The following CA12 variants were observed in gnomAD, a reference collection of about 807,000 sequenced individuals.
The protein encoded by CA12 is carbonic anhydrase 12.
CA12 carries 36 observed loss-of-function variants against 46.8 expected under a neutral mutation model. That is an observed-to-expected ratio of 0.77 (90% CI 0.59 to 1.02). The LOEUF (loss-of-function observed/expected upper bound fraction) is 1.02. Among genes scored for constraint, CA12 ranks in the 50% least tolerant of loss-of-function variants. The pLI is 0.00. For missense variants in CA12, 436 were observed against 451.4 expected (o/e 0.97, Z 0.31); for synonymous variants, 202 against 187.0 (o/e 1.08, Z -0.65).
chr15:63,365,688 C>T (rs1228619349), intron 2 of CA12, among the ~76,000 whole-genome samples: 3 of 152,220 alleles, frequency 2.0e-5, no homozygotes, highest in African/African-American at 4.8e-5. Flanking sequence ...AGGTCAGGAC[C>T]CCCATTTCTC....
intron 2 of CA12, among the ~76,000 whole-genome samples, chr15:63,353,752 G>A (rs2039262701): frequency 6.6e-6 from 1 of 152,090 alleles, no homozygotes; most frequent in South Asian, 2.1e-4. Context: ...TTGCTATATT[G>A]CCCAGGCTGG....
At chr15:63,353,306 C>A (rs1429113156) in intron 2 of CA12, among the ~76,000 whole-genome samples, 1 of 152,132 alleles carries the variant, frequency 6.6e-6, no homozygotes, top group African/African-American at 2.4e-5. Flanking sequence ...GTAGAACCAA[C>A]CATGAGTGAA....
chr15:63,351,780 A>G (rs774818359), intron 2 of CA12, among the ~76,000 whole-genome samples: 11 of 152,210 alleles, frequency 7.2e-5, no homozygotes, highest in Non-Finnish European at 1.3e-4. Flanking sequence ...GCACACTAGC[A>G]AGCAGTGATG....
intron 2 of CA12, among the ~76,000 whole-genome samples, chr15:63,357,896 A>T (rs2039314089): frequency 6.6e-6 from 1 of 152,158 alleles, no homozygotes; most frequent in Non-Finnish European, 1.5e-5. Flanking sequence ...TCTTCCGGAT[A>T]GTTCATATAA....
At chr15:63,376,574 C>CT (rs1555432654) in intron 1 of CA12, among the ~76,000 whole-genome samples, 2 of 114,220 alleles carry the variant, frequency 1.8e-5, no homozygotes, top group East Asian at 7.2e-4. Context: ...TTCTTTCTTT[C>CT]TTTCTTTCTT....
At chr15:63,368,620 GGCCAGCTCTT>G (rs1272842477) in intron 2 of CA12, among the ~76,000 whole-genome samples, 1 of 152,190 alleles carries the variant, frequency 6.6e-6, no homozygotes, top group Non-Finnish European at 1.5e-5. Context: ...CAAAAGCTCT[GGCCAGCTCTT>G]GCAGAAGCCA....
At chr15:63,356,160 A>G (rs1239914153) in intron 2 of CA12, among the ~76,000 whole-genome samples, 2 of 152,204 alleles carry the variant, frequency 1.3e-5, no homozygotes, top group East Asian at 3.9e-4. Context: ...TGGGAGGCCA[A>G]GGAGGGCAGA....
At chr15:63,350,117 C>G (rs1448321095) in intron 2 of CA12, among the ~76,000 whole-genome samples, 1 of 152,196 alleles carries the variant, frequency 6.6e-6, no homozygotes, top group East Asian at 1.9e-4. Flanking sequence ...GGGCCCTCCC[C>G]CAGCATGTAA....
rs936034155 is a variant in CA12 at position 63,325,737 on chromosome 15, A to T, written c.*548T>A. ...GTTTTCTTTTTCTCTCTACAACTTG[A>T]TCCTTCCTGTCCCCATTTGTCCCCG... On this transcript the variant is annotated 3_prime_UTR_variant, in exon 11 of 11. Coordinates refer to ENST00000178638, the MANE Select transcript of CA12 (RefSeq NM_001218.5). The surrounding 1 kb of genome is among the most constrained non-coding windows in gnomAD (Gnocchi z 4.9). 14 of 182,346 alleles carry T rather than the reference A, an allele frequency of 7.7e-5. No individual in the cohort carries two copies. The highest frequency in any genetic ancestry group is 4.8e-4 in the Admixed American group (9 of 18,764). 11.3% of individuals were successfully genotyped at this position (182,346 alleles called of 1,614,324 possible).
At position 63,330,318 on chromosome 15, in the gene CA12, T is replaced by C. The variant is rs762549956; in HGVS notation, c.875-2188A>G. Among the ~76,000 whole-genome samples, 5 of 152,218 alleles carry C rather than the reference T, an allele frequency of 3.3e-5. No homozygotes were observed. Among genetic ancestry groups the C allele is most frequent in the Non-Finnish European group, 7.3e-5 (5 of 68,040 alleles). On this transcript the variant is annotated intron_variant, in intron 8 of 10. Transcript: ENST00000178638. The surrounding 1 kb of genome is among the most constrained non-coding windows in gnomAD (Gnocchi z 4.0). ...GTATTAGGGTTGGTTGTTTCTTTTTTAAATGTAACCAGAGACCATGGTCCC... is the reference window on the plus strand; with the variant it reads ...GTATTAGGGTTGGTTGTTTCTTTTTCAAATGTAACCAGAGACCATGGTCCC...
At position 63,348,581 on chromosome 15, in the gene CA12, G is replaced by A. The variant is rs567251812; in HGVS notation, c.107-1872C>T. 1.3e-5 allele frequency among the ~76,000 whole-genome samples: 2 copies of A among 152,320 alleles called. No individual in the cohort carries two copies. The highest frequency in any genetic ancestry group is 1.9e-4 in the East Asian group (1 of 5,184). The stretch of plus-strand genomic sequence containing the variant: ...TGCCTGGGCCCACAGCCAGCAGGGC[G>A]GAAGCTGCCAGCCAGGCATGAATGC... On this transcript the variant is annotated intron_variant, in intron 2 of 10. Transcript: ENST00000178638. This position sits in a 1 kb window ranked among gnomAD's most constrained non-coding sequence, Gnocchi z 4.6.
rs541656177 is a variant in CA12, at chr15:63,336,736, C to T, written c.874+2083G>A. Among the ~76,000 whole-genome samples, 57 of 151,850 alleles carry T rather than the reference C, an allele frequency of 3.8e-4. 2 individuals are homozygous for T. The South Asian group carries it at 0.01, about 27-fold the overall frequency. On this transcript the variant is annotated intron_variant, in intron 8 of 10. Coordinates refer to ENST00000178638, the MANE Select transcript of CA12 (RefSeq NM_001218.5). ...GAAACCAAGGCCTGAAGAAGGGACA[C>T]GATTTGTCCACAGCCTGCAGCCAGG...
At position 63,329,667 on chromosome 15, in the gene CA12, C is replaced by T. The variant is rs1166220422; in HGVS notation, c.875-1537G>A. 6.6e-6 allele frequency among the ~76,000 whole-genome samples: 1 copy of T among 152,182 alleles called. No homozygotes were observed. The highest frequency in any genetic ancestry group is 1.5e-5 in the Non-Finnish European group (1 of 68,034). On this transcript the variant is annotated intron_variant, in intron 8 of 10. Coordinates refer to ENST00000178638, the MANE Select transcript of CA12 (RefSeq NM_001218.5). This position sits in a 1 kb window ranked among gnomAD's most constrained non-coding sequence, Gnocchi z 4.8. ...TACAGATGGTGGCCACCCAGCCTGA[C>T]ACAGAAGATCCTGTGCCCATAGAAC...
At position 63,364,394 on chromosome 15, in the gene CA12, T is replaced by C. The variant is rs371531984; in HGVS notation, c.106+11264A>G. ...AGGAAACTGCCACAAGGAGTCTCTT[T>C]AAGATTTCACCTAAGCACGGTTCCA... is the stretch of plus-strand genomic sequence containing the variant. On this transcript the variant is annotated intron_variant, in intron 2 of 10. Transcript: ENST00000178638. Among the ~76,000 whole-genome samples the C allele has an allele frequency of 1.3e-4, 18 of 143,804 alleles. 1 individual carries two copies. The highest frequency in any genetic ancestry group is 8.8e-4 in the Admixed American group (12 of 13,608). The allele number at this position is 143,804 out of a possible 152,430, so 94.3% of individuals were successfully genotyped here. A position where few individuals can be genotyped will look rare whatever the true frequency, so the allele number is the denominator to read the frequency against.
rs534502232 is a variant in CA12 at position 63,329,911 on chromosome 15, C to T, written c.875-1781G>A. Among the ~76,000 whole-genome samples, 2 of 152,324 alleles carry T rather than the reference C, an allele frequency of 1.3e-5. No individual in the cohort carries two copies. Among genetic ancestry groups the T allele is most frequent in the Admixed American group, 1.3e-4 (2 of 15,298 alleles). On this transcript the variant is annotated intron_variant, in intron 8 of 10. Coordinates refer to ENST00000178638, the MANE Select transcript of CA12 (RefSeq NM_001218.5). This position sits in a 1 kb window ranked among gnomAD's most constrained non-coding sequence, Gnocchi z 4.8. Reference sequence around the variant, plus strand: ...GTGCTTTTCCGATTGTCTTTTTCTGCAATCTCACATTGAACCTGCAGAGCC... The same window carrying T: ...GTGCTTTTCCGATTGTCTTTTTCTGTAATCTCACATTGAACCTGCAGAGCC...
In CA12 at chr15:63,331,392, T is replaced by G. The variant is rs1380024593; in HGVS notation, c.875-3262A>C. Reference sequence around the variant, plus strand: ...GGGGCAGAACTAGAGAAATTCACTTTCAGGTTAAAGAAATGGTTTGTTTCT... The same window carrying G: ...GGGGCAGAACTAGAGAAATTCACTTGCAGGTTAAAGAAATGGTTTGTTTCT... On this transcript the variant is annotated intron_variant, in intron 8 of 10. Transcript: ENST00000178638. This position sits in a 1 kb window ranked among gnomAD's most constrained non-coding sequence, Gnocchi z 5.3. 6.6e-6 allele frequency among the ~76,000 whole-genome samples: 1 copy of G among 152,108 alleles called. No individual in the cohort carries two copies. The highest frequency in any genetic ancestry group is 1.5e-5 in the Non-Finnish European group (1 of 68,030).
intron 8 of CA12, among the ~76,000 whole-genome samples, chr15:63,332,315 A>T (rs2038947158): frequency 6.6e-6 from 1 of 152,240 alleles, no homozygotes; most frequent in African/African-American, 2.4e-5. Flanking sequence ...ATGCAACCCA[A>T]AACAAGAATT....
At chr15:63,377,990 AC>A (rs2039598347) in intron 1 of CA12, among the ~76,000 whole-genome samples, 1 of 152,172 alleles carries the variant, frequency 6.6e-6, no homozygotes, top group African/African-American at 2.4e-5. Context: ...AGTGCCATGA[AC>A]TTAGGGAATC....
Position 63,346,598 on chromosome 15 carries a change from G to A in CA12, c.218C>T (p.Pro73Leu). Residue 73 changes from proline to leucine, a missense_variant, in exon 3 of 11, where the codon CCC (proline) becomes CTC (leucine). Coordinates refer to ENST00000178638, the MANE Select transcript of CA12 (RefSeq NM_001218.5). The stretch of plus-strand genomic sequence containing the variant: ...CAGATTGTAGCCTTGGAACTCGAGG[G>A]GCGTGAGGCTGGCGTCATACTGGAG... ...DILQYDASLT[P>L]LEFQGYNLSA... The A allele has an allele frequency of 6.2e-7, 1 of 1,614,054 alleles. No individual in the cohort carries two copies. The highest frequency in any genetic ancestry group is 8.5e-7 in the Non-Finnish European group (1 of 1,180,012).
Sources: gnomAD v4.1 joint callset for allele counts (sites outside exome capture counted in the v4.1 genomes callset) on GRCh38, gnomAD v4.1.1 for gene constraint, Gnocchi (gnomAD v3.1) non-coding constraint, MANE v1.5 for transcripts, NCBI Gene and HGNC (gene_info 2026-07-23, HGNC 2026-07-21) for gene names.